Variants in ASAP2 observed in about 807,000 individuals in gnomAD.
The protein encoded by ASAP2 is ArfGAP with SH3 domain, ankyrin repeat and PH domain 2, also known as arf-GAP with SH3 domain, ANK repeat and PH domain-containing protein 2.
A neutral mutation model predicts 131.4 loss-of-function variants in ASAP2; 45 were observed. That is an observed-to-expected ratio of 0.34 (90% CI 0.27 to 0.44). The LOEUF is 0.44. Ranked by LOEUF, ASAP2 falls within the 20% of genes least tolerant of loss-of-function variation. The probability of loss-of-function intolerance (pLI) is 1.00; values close to 1 mark genes in which losing one functional copy is unlikely to be tolerated. For synonymous variants in ASAP2, 510 were observed against 503.0 expected (o/e 1.01, Z -0.19); for missense variants, 1,011 against 1,297.0 (o/e 0.78, Z 3.39).
intron 1 of ASAP2, among the ~76,000 whole-genome samples, chr2:9,225,287 C>G (rs376279895): frequency 9.2e-5 from 14 of 151,794 alleles, no homozygotes; most frequent in African/African-American, 3.2e-4. Flanking sequence ...CAGATCTACT[C>G]TGTCCCAGAG....
At chr2:9,349,573 C>G (rs1672198903) in intron 11 of ASAP2, among the ~76,000 whole-genome samples, 2 of 152,142 alleles carry the variant, frequency 1.3e-5, no homozygotes. Flanking sequence ...TTCTGACGAT[C>G]CAGGAATTCT....
chr2:9,245,032 A>G (rs1344428624), intron 1 of ASAP2, among the ~76,000 whole-genome samples: 1 of 152,226 alleles, frequency 6.6e-6, no homozygotes, highest in East Asian at 1.9e-4. Flanking sequence ...AGTCTGAATC[A>G]TGCAGGCCTA....
intron 16 of ASAP2, among the ~76,000 whole-genome samples, chr2:9,373,120 G>A (rs73150914): frequency 0.012 from 1,876 of 152,202 alleles, 29 homozygotes; most frequent in African/African-American, 0.035. Context: ...CTGTGTGGAC[G>A]GGGAGCATGT....
rs138114893 is a variant in ASAP2 at position 9,273,913 on chromosome 2, C to G, written c.127-5404C>G. On this transcript the variant is annotated intron_variant, in intron 1 of 27. Coordinates refer to ENST00000281419, the MANE Select transcript of ASAP2 (RefSeq NM_003887.3). ...TTAGTCCTGCAAAGGCTGTCTAGTC[C>G]CCAGGCAGGAAGAGGGGTTTATTTT... is the stretch of plus-strand genomic sequence containing the variant. Among the ~76,000 whole-genome samples, 18 of 152,264 alleles carry G rather than the reference C, an allele frequency of 1.2e-4. No homozygotes were observed. The South Asian group carries it at 3.3e-3, about 28-fold the overall frequency.
intron 2 of ASAP2, among the ~76,000 whole-genome samples, chr2:9,290,963 G>T (rs1221465514): frequency 6.6e-6 from 1 of 152,150 alleles, no homozygotes; most frequent in African/African-American, 2.4e-5. Context: ...TTAGCATTTT[G>T]ATGTATTATC....
chr2:9,274,848 T>A (rs1296320269), intron 1 of ASAP2, among the ~76,000 whole-genome samples: 2 of 152,196 alleles, frequency 1.3e-5, no homozygotes, highest in Non-Finnish European at 2.9e-5. Context: ...CATCCCTGAG[T>A]TCAGGAAGCA....
chr2:9,225,305 C>T (rs888627677), intron 1 of ASAP2, among the ~76,000 whole-genome samples: 1 of 152,200 alleles, frequency 6.6e-6, no homozygotes, highest in Non-Finnish European at 1.5e-5. Context: ...GAGTCTGTCT[C>T]AGCTAGGCCA....
At chr2:9,289,493 A>C (rs897579127) in intron 2 of ASAP2, among the ~76,000 whole-genome samples, 1 of 152,172 alleles carries the variant, frequency 6.6e-6, no homozygotes, top group Non-Finnish European at 1.5e-5. Flanking sequence ...AATAAAAGTA[A>C]ATGCGGATAC....
At chr2:9,390,516 C>A (rs1675634357) in intron 22 of ASAP2, among the ~76,000 whole-genome samples, 1 of 152,228 alleles carries the variant, frequency 6.6e-6, no homozygotes, top group Non-Finnish European at 1.5e-5. Flanking sequence ...GTCACCTGAA[C>A]CTGATTGGTG....
At chr2:9,258,332 GTT>G (rs1254002791) in intron 1 of ASAP2, among the ~76,000 whole-genome samples, 1 of 112,546 alleles carries the variant, frequency 8.9e-6, no homozygotes, top group Non-Finnish European at 1.8e-5. Context: ...GTAATCAGTA[GTT>G]GTTTTTTTTT....
intron 1 of ASAP2, among the ~76,000 whole-genome samples, chr2:9,245,260 G>T (rs1034565608): frequency 6.6e-6 from 1 of 152,164 alleles, no homozygotes; most frequent in African/African-American, 2.4e-5. Context: ...GGAGGGTGTT[G>T]GTGTGACTAT....
At chr2:9,269,189 T>C (rs1413797740) in intron 1 of ASAP2, among the ~76,000 whole-genome samples, 1 of 151,162 alleles carries the variant, frequency 6.6e-6, no homozygotes, top group East Asian at 2.0e-4. Flanking sequence ...AATATAAAAA[T>C]AATAATGGAG....
Position 9,405,000 on chromosome 2 carries a change from T to C in ASAP2, c.*1673T>C, listed in dbSNP as rs1304489552. 1.3e-5 allele frequency: 2 copies of C among 152,610 alleles called. No homozygotes were observed. Among genetic ancestry groups the C allele is most frequent in the South Asian group, 2.1e-4 (1 of 4,832 alleles). 9.5% of individuals were successfully genotyped at this position (152,610 alleles called of 1,614,324 possible). Reference sequence around the variant, plus strand: ...AGATGTATTTTGCACAGTGCACTTATGTCTATTTTAACAATCCTCCTGCAT... The same window carrying C: ...AGATGTATTTTGCACAGTGCACTTACGTCTATTTTAACAATCCTCCTGCAT... On this transcript the variant is annotated 3_prime_UTR_variant, in exon 28 of 28. Coordinates refer to ENST00000281419, the MANE Select transcript of ASAP2 (RefSeq NM_003887.3).
intron 2 of ASAP2, among the ~76,000 whole-genome samples, chr2:9,291,943 G>A (rs1667840715): frequency 6.6e-6 from 1 of 152,092 alleles, no homozygotes; most frequent in Non-Finnish European, 1.5e-5. Context: ...GCTGAAGATA[G>A]CGACAATGTC....
chr2:9,289,495 T>C (rs186843739), intron 2 of ASAP2, among the ~76,000 whole-genome samples: 77 of 152,258 alleles, frequency 5.1e-4, no homozygotes, highest in African/African-American at 1.7e-3. Context: ...TAAAAGTAAA[T>C]GCGGATACAT....
intron 1 of ASAP2, among the ~76,000 whole-genome samples, chr2:9,266,773 TA>T (rs1274913914): frequency 6.6e-6 from 1 of 152,182 alleles, no homozygotes; most frequent in African/African-American, 2.4e-5. Context: ...ATGGATTAAG[TA>T]AGTAGTTTAG....
At chr2:9,343,515 T>G (rs763044072) in intron 9 of ASAP2, among the ~76,000 whole-genome samples, 2 of 152,182 alleles carry the variant, frequency 1.3e-5, no homozygotes, top group Non-Finnish European at 2.9e-5. Flanking sequence ...GGTGCTATCA[T>G]GACTCACTGC....
chr2:9,239,919 C>G (rs1318223404), intron 1 of ASAP2, among the ~76,000 whole-genome samples: 1 of 151,946 alleles, frequency 6.6e-6, no homozygotes, highest in Non-Finnish European at 1.5e-5. Context: ...GAGTTTTTGT[C>G]ATGTTTAAGT....
At chr2:9,386,279 A>G (rs1398549217) in intron 21 of ASAP2, among the ~76,000 whole-genome samples, 1 of 152,134 alleles carries the variant, frequency 6.6e-6, no homozygotes, top group African/African-American at 2.4e-5. Flanking sequence ...GTTAACATCC[A>G]TACTTAACTG....
Sources: gnomAD v4.1 joint callset for allele counts (sites outside exome capture counted in the v4.1 genomes callset) on GRCh38, gnomAD v4.1.1 for gene constraint, MANE v1.5 for transcripts, NCBI Gene and HGNC (gene_info 2026-07-23, HGNC 2026-07-21) for gene names.